The following GRIK1 variants were observed in gnomAD, a reference collection of about 807,000 sequenced individuals.
The protein encoded by GRIK1 is glutamate receptor ionotropic, kainate 1.
Under a neutral mutation model 105.7 loss-of-function variants are expected in GRIK1, and 69 were observed. The observed-to-expected ratio is 0.65, with a 90% confidence interval of 0.54 to 0.80. The LOEUF is 0.80. GRIK1 is among the 30% of genes least tolerant of loss of function. GRIK1 has a pLI of 0.00. For synonymous variants in GRIK1, 438 were observed against 431.3 expected (o/e 1.02, Z -0.19); for missense variants, 1,109 against 1,167.3 (o/e 0.95, Z 0.73).
chr21:29,654,154 G>C (rs1336909429), intron 5 of GRIK1, among the ~76,000 whole-genome samples: 3 of 151,954 alleles, frequency 2.0e-5, no homozygotes, highest in Non-Finnish European at 4.4e-5. Flanking sequence ...GGAGGTGGGG[G>C]CTGTCACTGA....
chr21:29,931,793 T>C (rs1490953780), intron 1 of GRIK1, among the ~76,000 whole-genome samples: 1 of 152,140 alleles, frequency 6.6e-6, no homozygotes, highest in East Asian at 1.9e-4. Context: ...TACCAACCCA[T>C]GTATAGGTTG....
intron 1 of GRIK1, among the ~76,000 whole-genome samples, chr21:29,751,061 A>G (rs541716565): frequency 1.3e-5 from 2 of 152,232 alleles, no homozygotes; most frequent in African/African-American, 4.8e-5. Flanking sequence ...GGACCTTTTG[A>G]GCCAGGATGA....
At chr21:29,686,834 A>C (rs573737732) in intron 3 of GRIK1, among the ~76,000 whole-genome samples, 3 of 152,190 alleles carry the variant, frequency 2.0e-5, no homozygotes, top group Admixed American at 2.0e-4. Context: ...CACACACTGC[A>C]GTTGAGGCTC....
At chr21:29,552,165 G>C (rs1045277111) in intron 16 of GRIK1, among the ~76,000 whole-genome samples, 2 of 152,044 alleles carry the variant, frequency 1.3e-5, no homozygotes, top group African/African-American at 2.4e-5. Context: ...GCAAAGAGAA[G>C]GTAAAATGCT....
At chr21:29,793,846 T>C (rs2066488765) in intron 1 of GRIK1, among the ~76,000 whole-genome samples, 1 of 152,246 alleles carries the variant, frequency 6.6e-6, no homozygotes, top group Non-Finnish European at 1.5e-5. Context: ...TGTAATTGTT[T>C]GTCTGCCAAG....
chr21:29,814,062 G>A (rs932672424), intron 1 of GRIK1, among the ~76,000 whole-genome samples: 93 of 147,998 alleles, frequency 6.3e-4, no homozygotes, highest in African/African-American at 2.2e-3. Flanking sequence ...TTACAGGTGC[G>A]TGCCACCACA....
chr21:29,752,412 G>A (rs2065228966), intron 1 of GRIK1, among the ~76,000 whole-genome samples: 1 of 152,174 alleles, frequency 6.6e-6, no homozygotes, highest in South Asian at 2.1e-4. Flanking sequence ...GAGCATGAAG[G>A]ATGTGTGAAA....
At chr21:29,597,657 T>C (rs1168419257) in intron 8 of GRIK1, 1 of 467,670 alleles carries the variant, frequency 2.1e-6, no homozygotes, top group South Asian at 1.6e-5. Flanking sequence ...CAAATCAGAG[T>C]GAAGAGGAAG....
chr21:29,696,587 C>A (rs1487443190), intron 1 of GRIK1, among the ~76,000 whole-genome samples: 1 of 152,104 alleles, frequency 6.6e-6, no homozygotes, highest in Admixed American at 6.5e-5. Context: ...TCTAGGTGAC[C>A]CATACAGAGG....
At position 29,897,207 on chromosome 21, in the gene GRIK1, G is replaced by C. The variant is rs191553029; in HGVS notation, c.118+42176C>G. Among the ~76,000 whole-genome samples the C allele has an allele frequency of 3.5e-3, 530 of 152,234 alleles. 4 individuals are homozygous for C. Among genetic ancestry groups the C allele is most frequent in the African/African-American group, 0.012 (503 of 41,552 alleles). On this transcript the variant is annotated intron_variant, in intron 1 of 17. Coordinates refer to ENST00000327783, the MANE Select transcript of GRIK1 (RefSeq NM_001330994.2). ...AGTGTTATTAATGACTTAGAAAGTGGGAACTGTGTCAAAACCAAGCTTAGC... is the reference window on the plus strand; with the variant it reads ...AGTGTTATTAATGACTTAGAAAGTGCGAACTGTGTCAAAACCAAGCTTAGC...
intron 15 of GRIK1, 54 bp downstream of exon 15, chr21:29,561,570 T>C (rs2090480186): frequency 2.5e-6 from 3 of 1,202,366 alleles, no homozygotes; most frequent in Non-Finnish European, 2.5e-6. Flanking sequence ...TTGCCTTCTA[T>C]ACTGGTAACT....
chr21:29,878,022 T>G (rs1275335557), intron 1 of GRIK1, among the ~76,000 whole-genome samples: 1 of 151,810 alleles, frequency 6.6e-6, no homozygotes, highest in Non-Finnish European at 1.5e-5. Context: ...ATGGGAAGAG[T>G]TTTTGGAGAA....
At chr21:29,715,816 C>G (rs552205270) in intron 1 of GRIK1, among the ~76,000 whole-genome samples, 1 of 151,800 alleles carries the variant, frequency 6.6e-6, no homozygotes, top group South Asian at 2.1e-4. Context: ...CTATAAATGT[C>G]AAGCACAATG....
At chr21:29,637,621 T>G (rs1258958841) in intron 7 of GRIK1, among the ~76,000 whole-genome samples, 1 of 152,174 alleles carries the variant, frequency 6.6e-6, no homozygotes, top group Non-Finnish European at 1.5e-5. Context: ...GAGGACAAAG[T>G]GCAAGACAGC....
chr21:29,770,089 G>A (rs1018926679), intron 1 of GRIK1, among the ~76,000 whole-genome samples: 2 of 152,078 alleles, frequency 1.3e-5, no homozygotes, highest in Admixed American at 1.3e-4. Flanking sequence ...CTGGATGCGG[G>A]GAGATCTTCT....
chr21:29,733,244 T>G (rs866693732), intron 1 of GRIK1, among the ~76,000 whole-genome samples: 6 of 152,182 alleles, frequency 3.9e-5, no homozygotes, highest in Non-Finnish European at 8.8e-5. Context: ...TGGTTAAATA[T>G]TTAAGAACCA....
chr21:29,581,182 C>A (rs140123641), intron 13 of GRIK1, among the ~76,000 whole-genome samples: 1 of 152,140 alleles, frequency 6.6e-6, no homozygotes, highest in East Asian at 1.9e-4. Flanking sequence ...CTTTTGCTAC[C>A]CACAGGAAAA....
intron 1 of GRIK1, among the ~76,000 whole-genome samples, chr21:29,711,302 G>A (rs533991488): frequency 6.6e-6 from 1 of 152,222 alleles, no homozygotes; most frequent in South Asian, 2.1e-4. Flanking sequence ...TTGTGTTACA[G>A]TTGCTAAAAG....
intron 1 of GRIK1, among the ~76,000 whole-genome samples, chr21:29,794,911 G>A (rs1168319174): frequency 6.6e-6 from 1 of 151,724 alleles, no homozygotes; most frequent in Non-Finnish European, 1.5e-5. Flanking sequence ...CCAAATGACA[G>A]CATTTTTGAG....
Sources: gnomAD v4.1 joint callset for allele counts (sites outside exome capture counted in the v4.1 genomes callset) on GRCh38, gnomAD v4.1.1 for gene constraint, MANE v1.5 for transcripts, NCBI Gene and HGNC (gene_info 2026-07-23, HGNC 2026-07-21) for gene names.